Variants in SLC35F4 observed in about 807,000 individuals in gnomAD.
SLC35F4 encodes the protein solute carrier family 35 member F4.
A neutral mutation model predicts 44.2 loss-of-function variants in SLC35F4; 24 were observed. The ratio of observed to expected loss-of-function variants is 0.54; its 90% confidence interval spans 0.39 to 0.76. The LOEUF is 0.76. Among genes scored for constraint, SLC35F4 ranks in the 30% least tolerant of loss-of-function variants. SLC35F4 has a pLI of 0.00. For missense variants in SLC35F4, 562 were observed against 586.1 expected, an observed-to-expected ratio of 0.96 and a Z score of 0.42; for synonymous variants, 238 against 223.6, an observed-to-expected ratio of 1.06 and a Z score of -0.57.
intron 1 of SLC35F4, among the ~76,000 whole-genome samples, chr14:57,930,601 C>G (rs570016912): frequency 6.6e-6 from 1 of 152,024 alleles, no homozygotes; most frequent in East Asian, 1.9e-4. Flanking sequence ...TTGGGTTTTC[C>G]CAAACATTTC....
chr14:57,736,871 G>A (rs1200527563), intron 1 of SLC35F4, among the ~76,000 whole-genome samples: 4 of 152,064 alleles, frequency 2.6e-5, no homozygotes, highest in African/African-American at 9.7e-5. Flanking sequence ...TATTTCATTT[G>A]GAAAAATACA....
downstream of SLC35F4, among the ~76,000 whole-genome samples, chr14:57,975,681 C>T (rs553670954): frequency 6.6e-6 from 1 of 152,248 alleles, no homozygotes; most frequent in South Asian, 2.1e-4. Flanking sequence ...GCCCAGAAAA[C>T]ATTCTCTTCA....
intron 1 of SLC35F4, among the ~76,000 whole-genome samples, chr14:57,611,914 A>T (rs895956106): frequency 6.6e-6 from 1 of 152,204 alleles, no homozygotes; most frequent in Non-Finnish European, 1.5e-5. Context: ...GAGGCAACTG[A>T]GCTCAGATGT....
chr14:57,588,898 A>C (rs1036998660), intron 3 of SLC35F4, among the ~76,000 whole-genome samples: 7 of 152,212 alleles, frequency 4.6e-5, no homozygotes, highest in African/African-American at 1.7e-4. Context: ...TAAGTGTATA[A>C]CATTGAATGA....
At chr14:57,722,673 A>G (rs896524157) in intron 1 of SLC35F4, among the ~76,000 whole-genome samples, 4 of 152,222 alleles carry the variant, frequency 2.6e-5, no homozygotes, top group African/African-American at 9.6e-5. Context: ...CAAAGCGGCA[A>G]TCAGAATAGT....
In SLC35F4 at chr14:57,597,268, T is replaced by C. The variant is rs182746190; in HGVS notation, c.104-3144A>G. On this transcript the variant is annotated intron_variant, in intron 1 of 7. Coordinates refer to ENST00000556826, the MANE Select transcript of SLC35F4 (RefSeq NM_001306087.2). ...AGTGATGTGTGGGTGGTATCTCATTTGTCACACCAGATGGTCCCCTATCCT... is the reference window on the plus strand; with the variant it reads ...AGTGATGTGTGGGTGGTATCTCATTCGTCACACCAGATGGTCCCCTATCCT... 4.7e-3 allele frequency among the ~76,000 whole-genome samples: 723 copies of C among 152,348 alleles called. 2 individuals carry two copies. The highest frequency in any genetic ancestry group is 7.9e-3 in the Non-Finnish European group (540 of 68,030).
chr14:57,878,834 T>G (rs1042776286), intron 1 of SLC35F4, among the ~76,000 whole-genome samples: 5 of 152,180 alleles, frequency 3.3e-5, no homozygotes, highest in African/African-American at 1.2e-4. Context: ...ATTAATTCAT[T>G]AATACTGGTT....
intron 1 of SLC35F4, among the ~76,000 whole-genome samples, chr14:57,700,869 G>A (rs547586696): frequency 2.0e-5 from 3 of 152,230 alleles, no homozygotes; most frequent in South Asian, 2.1e-4. Context: ...TCACATCATC[G>A]CACTTCAGCC....
chr14:57,608,796 GCGGC>G (rs1291631861), intron 1 of SLC35F4, among the ~76,000 whole-genome samples: 694 of 17,690 alleles, frequency 0.039, 15 homozygotes, highest in African/African-American at 0.063. Flanking sequence ...CCGGGGGGGG[GCGGC>G]GGGGGGAGAG....
intron 1 of SLC35F4, among the ~76,000 whole-genome samples, chr14:57,637,762 G>T (rs1033686130): frequency 6.6e-6 from 1 of 152,050 alleles, no homozygotes; most frequent in Non-Finnish European, 1.5e-5. Context: ...GAAGCTACCT[G>T]ATTTCATATG....
chr14:57,589,483 T>C lies in SLC35F4; in HGVS notation c.320A>G (p.Asn107Ser). The C allele has an allele frequency of 6.2e-7, 1 of 1,613,384 alleles. No individual in the cohort carries two copies. The highest frequency in any genetic ancestry group is 8.5e-7 in the Non-Finnish European group (1 of 1,179,732). Reference sequence around the variant, plus strand: ...CTTGATTCTGTTTTCTTGGCTGCTGTTCTCAGAATGAGTCTGTGTCCCATC... The same window carrying C: ...CTTGATTCTGTTTTCTTGGCTGCTGCTCTCAGAATGAGTCTGTGTCCCATC... Reference protein sequence around the residue: ...ADDGTQTHSENSSQENRIKAR... With the variant: ...ADDGTQTHSESSSQENRIKAR... The change falls in exon 3 of 8, where the codon AAC becomes AGC. Residue 107 changes from asparagine (N) to serine (S), a missense_variant. Transcript: ENST00000556826.
chr14:57,765,265 G>A (rs1368789566), intron 1 of SLC35F4, among the ~76,000 whole-genome samples: 1 of 152,200 alleles, frequency 6.6e-6, no homozygotes, highest in African/African-American at 2.4e-5. Context: ...AGATTCTCTT[G>A]GAGAGATTAG....
At chr14:57,807,617 G>A (rs1881481186) in intron 1 of SLC35F4, among the ~76,000 whole-genome samples, 1 of 151,842 alleles carries the variant, frequency 6.6e-6, no homozygotes, top group Admixed American at 6.6e-5. Flanking sequence ...CAAATCTACT[G>A]ACTGATTTAT....
intron 1 of SLC35F4, among the ~76,000 whole-genome samples, chr14:57,898,772 C>T (rs574127691): frequency 9.2e-4 from 140 of 152,314 alleles, no homozygotes; most frequent in South Asian, 3.3e-3. Context: ...TTTTTTAATA[C>T]ATTTCCCGCA....
At chr14:57,752,547 G>A (rs867136023) in intron 1 of SLC35F4, among the ~76,000 whole-genome samples, 3 of 149,296 alleles carry the variant, frequency 2.0e-5, no homozygotes, top group Non-Finnish European at 3.0e-5. Context: ...TGCAACGTCC[G>A]CCTCCTGGGT....
In SLC35F4 at chr14:57,945,438, AAT is replaced by A. The variant is rs1491405033; in HGVS notation, n.282+36473_282+36474del. On this transcript the variant is annotated intron_variant and non_coding_transcript_variant, in intron 1 of 1. Transcript: ENST00000556568. ...CTCTTTACCAGGTAAGAGCAATGAT[AAT>A]GTGTGTGTGTGTGTGTGTGTGTGTG... 1.2e-4 allele frequency among the ~76,000 whole-genome samples: 9 copies of A among 75,448 alleles called. 1 individual carries two copies. The East Asian group carries it at 8.4e-3, about 70-fold the overall frequency. 49.5% of individuals were successfully genotyped at this position (75,448 alleles called of 152,430 possible). A position where few individuals can be genotyped will look rare whatever the true frequency, so the allele number is the denominator to read the frequency against.
chr14:57,758,787 T>TA (rs747195100), intron 1 of SLC35F4, among the ~76,000 whole-genome samples: 1 of 152,148 alleles, frequency 6.6e-6, no homozygotes, highest in African/African-American at 2.4e-5. Flanking sequence ...ATATACTCAT[T>TA]AAAAAATTCT....
intron 1 of SLC35F4, among the ~76,000 whole-genome samples, chr14:57,825,100 T>C (rs1183775595): frequency 6.6e-6 from 1 of 151,910 alleles, no homozygotes; most frequent in African/African-American, 2.4e-5. Flanking sequence ...AACTTAAGCT[T>C]GTGGAGGATT....
intron 1 of SLC35F4, among the ~76,000 whole-genome samples, chr14:57,808,731 A>G (rs1276525235): frequency 6.6e-6 from 1 of 152,216 alleles, no homozygotes; most frequent in Non-Finnish European, 1.5e-5. Flanking sequence ...CCTTGAGTCC[A>G]GGAGGTCAAG....
Sources: allele counts gnomAD v4.1 joint callset (sites outside exome capture counted in the v4.1 genomes callset), GRCh38; gene constraint gnomAD v4.1.1; transcripts MANE v1.5; gene names NCBI Gene and HGNC (gene_info 2026-07-23, HGNC 2026-07-21).